CDH18: variants seen among roughly 807,000 people sequenced by gnomAD.
CDH18 encodes cadherin 18.
CDH18 carries 31 observed loss-of-function variants against 67.9 expected under a neutral mutation model. The observed-to-expected ratio is 0.46, with a 90% CI of 0.34 to 0.62. The LOEUF (loss-of-function observed/expected upper bound fraction) is 0.62, where lower values mean the gene tolerates loss of function less well. CDH18 is among the 20% of genes least tolerant of loss of function. The pLI, the probability that CDH18 is intolerant of heterozygous loss-of-function variation, is 0.01. For synonymous variants in CDH18, 362 were observed against 347.2 expected (o/e 1.04, Z -0.48); for missense variants, 890 against 975.5 (o/e 0.91, Z 1.17).
At chr5:20,525,801 TACACACACACACACACACAC>T (rs61256041) in intron 1 of CDH18, among the ~76,000 whole-genome samples, 2 of 148,826 alleles carry the variant, frequency 1.3e-5, no homozygotes, top group African/African-American at 4.9e-5. Context: ...GCTTCCACTA[TACACACACACACACACACAC>T]ACACACACAC....
At chr5:19,999,748 A>T (rs1208933295) in intron 2 of CDH18, among the ~76,000 whole-genome samples, 2 of 152,156 alleles carry the variant, frequency 1.3e-5, no homozygotes, top group African/African-American at 4.8e-5. Context: ...GTTAAAAATT[A>T]TTGGGAATTT....
At chr5:19,904,142 C>T (rs771339327) in intron 2 of CDH18, among the ~76,000 whole-genome samples, 3 of 151,382 alleles carry the variant, frequency 2.0e-5, no homozygotes, top group Non-Finnish European at 2.9e-5. Context: ...GGCTTGGTGG[C>T]GGGCGCCTGT....
At chr5:19,948,821 T>C (rs13177416) in intron 2 of CDH18, among the ~76,000 whole-genome samples, 64,334 of 152,080 alleles carry the variant, frequency 0.42, 16,044 homozygotes, top group Middle Eastern at 0.64. Flanking sequence ...TTTCTGTGGA[T>C]ATCTAATTAT....
chr5:19,790,212 C>T (rs1020469565), intron 3 of CDH18, among the ~76,000 whole-genome samples: 1 of 152,090 alleles, frequency 6.6e-6, no homozygotes, highest in Non-Finnish European at 1.5e-5. Context: ...TTCCAAAAAT[C>T]TAATCTTCTT....
intron 2 of CDH18, among the ~76,000 whole-genome samples, chr5:20,183,728 T>C (rs1468944860): frequency 1.3e-5 from 2 of 152,130 alleles, no homozygotes; most frequent in Non-Finnish European, 2.9e-5. Flanking sequence ...TTTTAGCTCC[T>C]AGGATCCAGA....
chr5:19,725,526 T>C (rs895900673), intron 4 of CDH18, among the ~76,000 whole-genome samples: 1 of 152,068 alleles, frequency 6.6e-6, no homozygotes, highest in African/African-American at 2.4e-5. Flanking sequence ...TCCCAGCAAT[T>C]TGGGAGGCCG....
At chr5:19,829,815 C>G (rs1415363363) in intron 3 of CDH18, among the ~76,000 whole-genome samples, 1 of 152,142 alleles carries the variant, frequency 6.6e-6, no homozygotes, top group Non-Finnish European at 1.5e-5. Context: ...ACCAAAACAA[C>G]ATGGTACAAG....
chr5:19,778,948 T>G (rs1364825328), intron 3 of CDH18, among the ~76,000 whole-genome samples: 1 of 152,186 alleles, frequency 6.6e-6, no homozygotes, highest in Admixed American at 6.6e-5. Flanking sequence ...CTTCGTTTAC[T>G]GGCCAGGAAG....
At chr5:19,912,729 C>T (rs1474212899) in intron 2 of CDH18, among the ~76,000 whole-genome samples, 1 of 151,968 alleles carries the variant, frequency 6.6e-6, no homozygotes, top group Non-Finnish European at 1.5e-5. Flanking sequence ...TTGAGTTTAG[C>T]CTGAAGAATG....
intron 2 of CDH18, among the ~76,000 whole-genome samples, chr5:20,049,023 G>A (rs1741162662): frequency 6.6e-6 from 1 of 151,676 alleles, no homozygotes; most frequent in African/African-American, 2.4e-5. Context: ...AAAGTATGAA[G>A]CACTCAAAGT....
chr5:20,141,124 A>G (rs1750207071), intron 2 of CDH18, among the ~76,000 whole-genome samples: 1 of 152,176 alleles, frequency 6.6e-6, no homozygotes, highest in South Asian at 2.1e-4. Flanking sequence ...CAGTGTAAGT[A>G]GGCATGTTTC....
intron 3 of CDH18, among the ~76,000 whole-genome samples, chr5:19,814,379 T>G (rs1016435206): frequency 1.2e-4 from 19 of 152,052 alleles, no homozygotes; most frequent in Non-Finnish European, 1.5e-5. Context: ...CTCTTGCATA[T>G]GCACACAAAT....
intron 1 of CDH18, among the ~76,000 whole-genome samples, chr5:20,320,419 G>A (rs1341794414): frequency 6.6e-6 from 1 of 152,148 alleles, no homozygotes; most frequent in Admixed American, 6.5e-5. Context: ...ACAGGGATGA[G>A]CTGGGCAGTC....
intron 5 of CDH18, among the ~76,000 whole-genome samples, chr5:19,661,877 AGAAGTGC>A (rs1320533072): frequency 6.6e-6 from 1 of 152,118 alleles, no homozygotes; most frequent in Non-Finnish European, 1.5e-5. Flanking sequence ...TCACCCATTT[AGAAGTGC>A]TGGGGTTAGA....
intron 2 of CDH18, among the ~76,000 whole-genome samples, chr5:19,845,354 C>T (rs1285628199): frequency 6.6e-6 from 1 of 152,128 alleles, no homozygotes; most frequent in Non-Finnish European, 1.5e-5. Context: ...TTCTACCTAA[C>T]TTCCATTGTA....
chr5:20,543,897 C>A (rs1310810421), intron 1 of CDH18, among the ~76,000 whole-genome samples: 2 of 152,104 alleles, frequency 1.3e-5, no homozygotes, highest in Admixed American at 6.5e-5. Context: ...CAGAATTTTT[C>A]TGAGGAAACT....
intron 1 of CDH18, among the ~76,000 whole-genome samples, chr5:20,321,399 G>A (rs146373378): frequency 6.6e-6 from 1 of 152,146 alleles, no homozygotes; most frequent in East Asian, 1.9e-4. Flanking sequence ...AGTATCTATT[G>A]TTCTCAGCCA....
At chr5:19,478,060 G>A (rs1456975284) in intron 12 of CDH18, among the ~76,000 whole-genome samples, 2 of 151,970 alleles carry the variant, frequency 1.3e-5, no homozygotes, top group African/African-American at 2.4e-5. Flanking sequence ...GGAGTTTTAT[G>A]AATTAATTTT....
At chr5:19,627,654 T>A (rs1159854724) in intron 5 of CDH18, among the ~76,000 whole-genome samples, 1 of 152,222 alleles carries the variant, frequency 6.6e-6, no homozygotes, top group Non-Finnish European at 1.5e-5. Flanking sequence ...AAAATTTATA[T>A]AAACATACAC....
Sources: allele counts gnomAD v4.1 joint callset (sites outside exome capture counted in the v4.1 genomes callset), GRCh38; gene constraint gnomAD v4.1.1; transcripts MANE v1.5; gene names NCBI Gene and HGNC (gene_info 2026-07-23, HGNC 2026-07-21).